The following TUBGCP6 variants were observed in gnomAD, a reference collection of about 807,000 sequenced individuals.
The protein encoded by TUBGCP6 is tubulin gamma complex component 6.
A neutral mutation model predicts 175.8 loss-of-function variants in TUBGCP6; 161 were observed. The ratio of observed to expected loss-of-function variants is 0.92; its 90% CI spans 0.81 to 1.04. TUBGCP6 has a LOEUF of 1.04. Ranked by LOEUF, TUBGCP6 falls within the 50% of genes least tolerant of loss-of-function variation. TUBGCP6 has a pLI of 0.00. For synonymous variants in TUBGCP6, 1,173 were observed against 1,030.5 expected (o/e 1.14, Z -2.65); for missense variants, 2,572 against 2,433.0 (o/e 1.06, Z -1.20).
intron 1 of TUBGCP6, 102 bp downstream of exon 1, chr22:50,243,617 C>A (rs1349238447): frequency 8.3e-4 from 456 of 550,420 alleles, no homozygotes; most frequent in African/African-American, 4.8e-3. Context: ...GACACTGTCT[C>A]AAAAAAAAAA....
chr22:50,242,664 A>G (rs560884053), intron 1 of TUBGCP6, among the ~76,000 whole-genome samples: 1 of 152,366 alleles, frequency 6.6e-6, no homozygotes, highest in South Asian at 2.1e-4. Flanking sequence ...GCTACAGCGT[A>G]CCATGGTAAA....
At chr22:50,226,972 C>A in intron 6 of TUBGCP6, 27 bp downstream of exon 6, 1 of 1,606,876 alleles carries the variant, frequency 6.2e-7, no homozygotes, top group Non-Finnish European at 8.5e-7. Context: ...ACCAGGCTGA[C>A]ACACTCGGCA....
chr22:50,226,421 G>C, intron 7 of TUBGCP6, 43 bp from the exon 8 acceptor site: 3 of 1,551,858 alleles, frequency 1.9e-6, no homozygotes, highest in Non-Finnish European at 2.6e-6. Flanking sequence ...TCAACGGAGA[G>C]GTGGGTGGGG....
chr22:50,227,459 C>G (rs1052936527), intron 5 of TUBGCP6, among the ~76,000 whole-genome samples: 4 of 152,178 alleles, frequency 2.6e-5, no homozygotes, highest in African/African-American at 7.2e-5. Context: ...AGCTCCCCTG[C>G]CCCACAGTGT....
intron 2 of TUBGCP6, among the ~76,000 whole-genome samples, chr22:50,238,531 AGTTTTTTTTTTT>A (rs2064803835): frequency 8.3e-6 from 1 of 120,758 alleles, no homozygotes; most frequent in Non-Finnish European, 1.6e-5. Flanking sequence ...TTGTAGGGCC[AGTTTTTTTTTTT>A]GTTTTTTTTT....
chr22:50,230,578 C>T (rs1312530539), intron 3 of TUBGCP6, among the ~76,000 whole-genome samples: 1 of 150,778 alleles, frequency 6.6e-6, no homozygotes, highest in Non-Finnish European at 1.5e-5. Context: ...TGCACTCCAG[C>T]CTGGGAGACA....
At chr22:50,226,682 T>A in intron 7 of TUBGCP6, 51 bp downstream of exon 7, 1 of 1,450,446 alleles carries the variant, frequency 6.9e-7, no homozygotes, top group Non-Finnish European at 9.5e-7. Context: ...CTCTCAAGTG[T>A]CTGCCTGGTG....
intron 2 of TUBGCP6, among the ~76,000 whole-genome samples, chr22:50,234,403 T>A (rs2064737735): frequency 7.1e-6 from 1 of 141,156 alleles, no homozygotes; most frequent in African/African-American, 2.7e-5. Context: ...CACACCCCTG[T>A]CCACAGCAGC....
chr22:50,219,924 T>C (rs1347651839), intron 17 of TUBGCP6, 33 bp downstream of exon 17: 2 of 1,613,408 alleles, frequency 1.2e-6, no homozygotes, highest in Non-Finnish European at 8.5e-7. Context: ...CCTCCCTGCC[T>C]GCTGTGGGAC....
rs776201082 is a variant in TUBGCP6, at chr22:50,217,823, C to T, written c.5373G>A (p.Val1791=). ...KYYSHFLFKV[V]TKLVNRGYQP... is the part of the protein sequence containing the mutation. ...GGTAGCCGCGGTTCACCAGCTTGGT[C>T]ACCACTGGGGACCAGCGAGCAGCTC... is the stretch of plus-strand genomic sequence containing the variant. Residue 1791 remains valine, a synonymous_variant, in exon 25 of 25, where the codon GTG becomes GTA. Transcript: ENST00000248846. 19 of 1,613,636 alleles carry T rather than the reference C, an allele frequency of 1.2e-5. No individual in the cohort carries two copies. Among genetic ancestry groups the T allele is most frequent in the Non-Finnish European group, 1.4e-5 (17 of 1,179,982 alleles).
chr22:50,221,722 C>T lies in TUBGCP6; in HGVS notation c.2637G>A (p.Arg879=), dbSNP rs773765878. 3 of 1,516,372 alleles carry T rather than the reference C, an allele frequency of 2.0e-6. No homozygotes were observed. The highest frequency in any genetic ancestry group is 2.6e-6 in the Non-Finnish European group (3 of 1,133,714). The allele number at this position is 1,516,372 out of a possible 1,614,324, so 93.9% of individuals were successfully genotyped here. ...TGGCCCCCTCCGCCTGCTGCAGCCC[C>T]CTGCCACCAGCCCCCACTGCTAGAG... The part of the protein sequence containing the change: ...LKPLAVGAGG[R]GLQQAEGARP... The change falls in exon 16 of 25, where the codon AGG becomes AGA. Residue 879 remains arginine, a synonymous_variant. Transcript: ENST00000248846.
chr22:50,233,555 A>G, intron 2 of TUBGCP6, 29 bp from the exon 3 acceptor site: 2 of 1,572,122 alleles, frequency 1.3e-6, no homozygotes, highest in Non-Finnish European at 1.7e-6. Context: ...AGAGGCCATG[A>G]GCAGACGTGG....
rs4838865 is a variant in TUBGCP6 at position 50,226,183 on chromosome 22, A to G, written c.1700T>C (p.Leu567Ser). 1,244,032 of 1,613,956 alleles carry G rather than the reference A, an allele frequency of 0.77. 482,265 individuals are homozygous for G. The highest frequency in any genetic ancestry group is 0.96 in the African/African-American group (71,668 of 75,008). The change falls in exon 9 of 25, where the codon TTG becomes TCG. Residue 567 changes from leucine to serine, a missense_variant. Transcript: ENST00000248846. ...GAGCACGTAGCCATGTGTCCAGTAC[A>G]ACTTATCTAAGGTAGGGTGAACACC... The part of the protein sequence containing the change: ...NHEYLSFRDK[L>S]YWTHGYVLIS...
chr22:50,227,346 C>T (rs879365343), intron 5 of TUBGCP6, among the ~76,000 whole-genome samples: 22 of 152,104 alleles, frequency 1.4e-4, no homozygotes, highest in Non-Finnish European at 2.8e-4. Flanking sequence ...GGCCAACACA[C>T]GAATCACCCT....
At chr22:50,226,502 G>A in intron 7 of TUBGCP6, 124 bp from the exon 8 acceptor site, 1 of 882,368 alleles carries the variant, frequency 1.1e-6, no homozygotes, top group Non-Finnish European at 1.8e-6. Flanking sequence ...GTAGCTGTGA[G>A]AGGTGGAGTG....
chr22:50,219,587 A>G, intron 18 of TUBGCP6, 57 bp downstream of exon 18: 1 of 1,599,352 alleles, frequency 6.3e-7, no homozygotes, highest in Non-Finnish European at 8.5e-7. Flanking sequence ...GAGGTGGAGC[A>G]CGTGCTGGGA....
intron 2 of TUBGCP6, among the ~76,000 whole-genome samples, chr22:50,238,932 G>C (rs2064808644): frequency 6.6e-6 from 1 of 152,180 alleles, no homozygotes; most frequent in Admixed American, 6.6e-5. Flanking sequence ...ACCGTGCTGG[G>C]AAGCAGGGAG....
chr22:50,225,823 G>A lies in TUBGCP6; in HGVS notation c.1954C>T (p.Arg652Cys), dbSNP rs181249457. 1.8e-5 allele frequency: 29 copies of A among 1,613,388 alleles called. No individual in the cohort carries two copies. Among genetic ancestry groups the A allele is most frequent in the Non-Finnish European group, 2.1e-5 (25 of 1,179,766 alleles). ...TCCTCCTTGCTGACAGAGCTGTGGC[G>A]GGCCACCCTCTCCATGCGCCCAACG... ...VYVGRMERVA[R>C]HSSVSKEEKE... Residue 652 changes from arginine (R) to cysteine (C), a missense_variant, in exon 10 of 25, where the codon CGC becomes TGC. By Grantham distance (180) the Arg-to-Cys change is radical. Coordinates refer to ENST00000248846, the MANE Select transcript of TUBGCP6 (RefSeq NM_020461.4).
chr22:50,244,150 G>A lies in TUBGCP6; in HGVS notation c.310C>T (p.Leu104Phe). ...EELEAAPCCP[L>F]LEVGSVLDLL... ...TCCAAAACAGACCCCACCTCCAAAA[G>A]CGGACAGCAAGGGGCTGCTTCCAGC... The change falls in exon 1 of 25, where the codon CTT (leucine) becomes TTT (phenylalanine). Residue 104 changes from leucine to phenylalanine, a missense_variant. Coordinates refer to ENST00000248846, the MANE Select transcript of TUBGCP6 (RefSeq NM_020461.4). The A allele has an allele frequency of 1.2e-6, 2 of 1,613,484 alleles. No homozygotes were observed. Among genetic ancestry groups the A allele is most frequent in the Non-Finnish European group, 1.7e-6 (2 of 1,180,034 alleles).
Sources: allele counts gnomAD v4.1 joint callset (sites outside exome capture counted in the v4.1 genomes callset), GRCh38; gene constraint gnomAD v4.1.1; transcripts MANE v1.5; gene names NCBI Gene and HGNC (gene_info 2026-07-23, HGNC 2026-07-21).